RIPOR2: variants seen among roughly 807,000 people sequenced by gnomAD.
RIPOR2 encodes the protein rho family-interacting cell polarization regulator 2.
In RIPOR2, 39 loss-of-function variants were observed where a neutral mutation model predicts 114.5. The observed-to-expected ratio is 0.34, with a 90% CI of 0.26 to 0.44. The LOEUF (loss-of-function observed/expected upper bound fraction) is 0.44, where lower values mean the gene tolerates loss of function less well. RIPOR2 is among the 20% of genes least tolerant of loss of function. The probability of loss-of-function intolerance (pLI) is 1.00; values close to 1 mark genes in which losing one functional copy is unlikely to be tolerated. For synonymous variants in RIPOR2, 445 were observed against 484.4 expected, an observed-to-expected ratio of 0.92 and a Z score of 1.07; for missense variants, 1,007 against 1,255.1, an observed-to-expected ratio of 0.80 and a Z score of 2.99.
chr6:25,039,518 A>G (rs1449142327), intron 1 of RIPOR2, among the ~76,000 whole-genome samples: 2 of 152,240 alleles, frequency 1.3e-5, no homozygotes, highest in Admixed American at 6.5e-5. Context: ...ACATCTATTA[A>G]TATATCATTT....
chr6:24,921,657 C>CG (rs946604217), intron 1 of RIPOR2, among the ~76,000 whole-genome samples: 22 of 151,486 alleles, frequency 1.5e-4, no homozygotes, highest in African/African-American at 5.1e-4. Flanking sequence ...TATCGCCCCC[C>CG]CCGACCCTGA....
intron 6 of RIPOR2, among the ~76,000 whole-genome samples, chr6:24,866,936 G>A (rs1284319265): frequency 6.6e-6 from 1 of 152,106 alleles, no homozygotes; most frequent in East Asian, 1.9e-4. Context: ...GAGTTTAAGA[G>A]TCCCGTTTTG....
chr6:24,818,257 C>A (rs760118719), intron 20 of RIPOR2, among the ~76,000 whole-genome samples: 5 of 152,064 alleles, frequency 3.3e-5, no homozygotes, highest in Non-Finnish European at 7.3e-5. Flanking sequence ...GCCACTGTGC[C>A]GGCTAATAAG....
In RIPOR2 at chr6:24,849,616, C is replaced by T. The variant is rs58550290; in HGVS notation, c.1034+186G>A. Among the ~76,000 whole-genome samples, 1,268 of 152,216 alleles carry T rather than the reference C, an allele frequency of 8.3e-3. 17 individuals carry two copies. Among genetic ancestry groups the T allele is most frequent in the African/African-American group, 0.026 (1,078 of 41,516 alleles). ...AACTTTAACACGCGTGCACCTTACC[C>T]GGGGAGTTTGTTAAACAGATTCTGG... On this transcript the variant is annotated intron_variant, in intron 11 of 21. Transcript: ENST00000643898.
chr6:24,873,613 T>G, intron 3 of RIPOR2, 31 bp downstream of exon 3: 1 of 1,597,716 alleles, frequency 6.3e-7, no homozygotes, highest in Non-Finnish European at 8.5e-7. Context: ...GGGTCTTTCC[T>G]TAAAGTACAT....
At position 24,805,604 on chromosome 6, in the gene RIPOR2, C is replaced by CT. The variant is rs1447997009; in HGVS notation, c.*768dup. 3 of 151,826 alleles carry CT rather than the reference C, an allele frequency of 2.0e-5. No homozygotes were observed. The highest frequency in any genetic ancestry group is 4.8e-5 in the African/African-American group (2 of 41,322). 9.4% of individuals were successfully genotyped at this position (151,826 alleles called of 1,614,324 possible). ...AGGCAAACTTTTATTTGAAGATATT[C>CT]TTTTTTGTGCTTTGTATTGAAAGTA... On this transcript the variant is annotated 3_prime_UTR_variant, in exon 22 of 22. Coordinates refer to ENST00000643898, the MANE Select transcript of RIPOR2 (RefSeq NM_001286445.3).
chr6:24,947,539 T>A (rs189827835), intron 1 of RIPOR2, among the ~76,000 whole-genome samples: 43 of 152,302 alleles, frequency 2.8e-4, no homozygotes, highest in African/African-American at 1.0e-3. Flanking sequence ...GACCGAATTA[T>A]GGAACGGTCC....
Position 24,924,997 on chromosome 6 carries a change from G to C in RIPOR2, c.61+10841C>G, listed in dbSNP as rs1160203918. Among the ~76,000 whole-genome samples, 5 of 152,304 alleles carry C rather than the reference G, an allele frequency of 3.3e-5. No homozygotes were observed. In the East Asian group the frequency reaches 9.6e-4, roughly 29 times the overall value. ...GTACTCTAAAAAATGGTCTAGTAAG[G>C]AGAAGAATGGAATTCTTTTCCTTTG... On this transcript the variant is annotated intron_variant, in intron 1 of 21. Transcript: ENST00000643898.
intron 1 of RIPOR2, among the ~76,000 whole-genome samples, chr6:24,970,351 T>C (rs1465925002): frequency 4.6e-5 from 7 of 152,120 alleles, no homozygotes; most frequent in Non-Finnish European, 8.8e-5. Flanking sequence ...AGAGGATTAT[T>C]TAGGGAAACT....
At chr6:24,996,389 C>T (rs77273220) in intron 1 of RIPOR2, among the ~76,000 whole-genome samples, 2,687 of 152,290 alleles carry the variant, frequency 0.018, 63 homozygotes, top group African/African-American at 0.061. Flanking sequence ...CTTTTAATTA[C>T]AGCCCTCAAG....
intron 1 of RIPOR2, among the ~76,000 whole-genome samples, chr6:25,033,487 T>A (rs1444279608): frequency 6.6e-6 from 1 of 152,208 alleles, no homozygotes; most frequent in Non-Finnish European, 1.5e-5. Context: ...CAAGAAGCCC[T>A]CATTCCATTT....
chr6:25,030,398 A>G (rs1029306408), intron 1 of RIPOR2, among the ~76,000 whole-genome samples: 1 of 152,104 alleles, frequency 6.6e-6, no homozygotes, highest in Non-Finnish European at 1.5e-5. Flanking sequence ...AGAGGACCAG[A>G]GCTATGGATA....
At chr6:24,948,772 C>G (rs997507627) in intron 1 of RIPOR2, among the ~76,000 whole-genome samples, 1 of 152,178 alleles carries the variant, frequency 6.6e-6, no homozygotes, top group African/African-American at 2.4e-5. Context: ...CTCAGGTGAT[C>G]CGCTCACCTT....
At chr6:24,996,191 G>A (rs2113633400) in intron 1 of RIPOR2, among the ~76,000 whole-genome samples, 1 of 152,300 alleles carries the variant, frequency 6.6e-6, no homozygotes, top group African/African-American at 2.4e-5. Context: ...TAGACAAAGT[G>A]CAAACTACTT....
At position 24,889,163 on chromosome 6, in the gene RIPOR2, G is replaced by A. The variant is rs893009138; in HGVS notation, c.62-13346C>T. On this transcript the variant is annotated intron_variant, in intron 1 of 21. Transcript: ENST00000643898. ...AGCCTGGGGATCATCAAGAGATGCA[G>A]TTGGAACACCTGGACTGCTTTCTCT... Among the ~76,000 whole-genome samples, 3 of 152,288 alleles carry A rather than the reference G, an allele frequency of 2.0e-5. No homozygotes were observed. In the East Asian group the frequency reaches 5.8e-4, roughly 29 times the overall value.
chr6:24,973,447 C>CA (rs567489823), intron 1 of RIPOR2, among the ~76,000 whole-genome samples: 57 of 150,654 alleles, frequency 3.8e-4, no homozygotes, highest in Admixed American at 7.3e-4. Flanking sequence ...ACTAAAAATA[C>CA]AAAAAAAAAT....
intron 13 of RIPOR2, chr6:24,840,664 C>T: frequency 6.5e-7 from 1 of 1,533,834 alleles, no homozygotes; most frequent in South Asian, 1.2e-5. Flanking sequence ...CACAAAAGCA[C>T]ATGGGAAAAC....
chr6:25,015,735 T>A (rs1189488416), intron 1 of RIPOR2: 4 of 151,606 alleles, frequency 2.6e-5, no homozygotes. Context: ...TACCTTTTCA[T>A]GGAGGTTTGG....
intron 1 of RIPOR2, among the ~76,000 whole-genome samples, chr6:24,878,538 A>C (rs1766031517): frequency 6.6e-6 from 1 of 152,192 alleles, no homozygotes; most frequent in Non-Finnish European, 1.5e-5. Context: ...TAACTATATC[A>C]TTATCTCATA....
Sources: gnomAD v4.1 joint callset for allele counts (sites outside exome capture counted in the v4.1 genomes callset) on GRCh38, gnomAD v4.1.1 for gene constraint, MANE v1.5 for transcripts, NCBI Gene and HGNC (gene_info 2026-07-23, HGNC 2026-07-21) for gene names.